AGAP9: variants seen among roughly 807,000 people sequenced by gnomAD.
AGAP9 encodes the protein arf-GAP with GTPase, ANK repeat and PH domain-containing protein 9.
A neutral mutation model predicts 55.6 loss-of-function variants in AGAP9; 23 were observed. The observed-to-expected ratio is 0.41, with a 90% CI of 0.30 to 0.59. The LOEUF (loss-of-function observed/expected upper bound fraction) is 0.59, where lower values mean the gene tolerates loss of function less well. AGAP9 is among the 20% of genes least tolerant of loss of function. The probability of loss-of-function intolerance (pLI) is 0.25; values close to 1 mark genes in which losing one functional copy is unlikely to be tolerated. For missense variants in AGAP9, 309 were observed against 808.1 expected (o/e 0.38, Z 7.49); for synonymous variants, 120 against 305.0 (o/e 0.39, Z 6.32).
chr10:47,503,776 A>G (rs1268236406), intron 7 of AGAP9, among the ~76,000 whole-genome samples: 3 of 101,966 alleles, frequency 2.9e-5, no homozygotes, highest in South Asian at 3.0e-4. Flanking sequence ...AAAAAAAAAG[A>G]AAAAAAAATT....
intron 4 of AGAP9, 83 bp from the exon 5 acceptor site, chr10:47,510,354 A>C (rs1388019528): frequency 5.6e-6 from 7 of 1,258,040 alleles, no homozygotes; most frequent in Non-Finnish European, 7.4e-6. Context: ...AAGCACTAAG[A>C]TATGTCTTAC....
rs1429403361 is a variant in AGAP9 at position 47,502,709 on chromosome 10, G to A, written c.1420C>T (p.Arg474Cys). 3.2e-5 allele frequency: 52 copies of A among 1,607,992 alleles called. No homozygotes were observed. Among genetic ancestry groups the A allele is most frequent in the East Asian group, 1.4e-4 (6 of 43,888 alleles). Residue 474 changes from arginine to cysteine, a missense_variant, in exon 8 of 8, where the codon CGT (arginine) becomes TGT (cysteine). Transcript: ENST00000452145. ...CAGTCCACACAGTGGGCGTTCCCAC[G>A]CATGTTTTGGATCGACTGCAGGGCC... ...AMALQSIQNM[R>C]GNAHCVDCET... is the part of the protein sequence containing the mutation.
chr10:47,506,755 T>C (rs1489354989), intron 6 of AGAP9, among the ~76,000 whole-genome samples: 3 of 145,190 alleles, frequency 2.1e-5, no homozygotes, highest in Non-Finnish European at 4.5e-5. Context: ...TTCTCCTGCC[T>C]CAGCCTCCAG....
At chr10:47,519,288 TG>T (rs1840774118) in intron 3 of AGAP9, among the ~76,000 whole-genome samples, 1 of 119,874 alleles carries the variant, frequency 8.3e-6, no homozygotes, top group Non-Finnish European at 1.7e-5. Flanking sequence ...GCTAACATGG[TG>T]AAACCCTGTC....
intron 4 of AGAP9, among the ~76,000 whole-genome samples, chr10:47,515,496 T>TAA (rs1293641433): frequency 8.5e-5 from 3 of 35,494 alleles, no homozygotes; most frequent in African/African-American, 2.3e-4. Flanking sequence ...GGGTAAAATG[T>TAA]AAAAAAAAAA....
Position 47,510,116 on chromosome 10 carries a change from C to A in AGAP9, c.497+55G>T, listed in dbSNP as rs1354051479. The A allele has an allele frequency of 2.2e-5, 28 of 1,251,824 alleles. 3 individuals carry two copies. The highest frequency in any genetic ancestry group is 2.5e-5 in the Non-Finnish European group (24 of 942,274). The allele number at this position is 1,251,824 out of a possible 1,614,324, so 77.5% of individuals were successfully genotyped here. A position where few individuals can be genotyped will look rare whatever the true frequency, so the allele number is the denominator to read the frequency against. The stretch of plus-strand genomic sequence containing the variant: ...ATTGCTGAAGAGGACAACCAAATGG[C>A]TGAAATAATTTCCGAATAAAGGAAT... On this transcript the variant is annotated intron_variant, in intron 5 of 7. Coordinates refer to ENST00000452145, the MANE Select transcript of AGAP9 (RefSeq NM_001190810.1).
chr10:47,503,227 T>C lies in AGAP9; in HGVS notation c.902A>G (p.Lys301Arg). 1 of 1,560,924 alleles carries C rather than the reference T, an allele frequency of 6.4e-7. No homozygotes were observed. The highest frequency in any genetic ancestry group is 8.7e-7 in the Non-Finnish European group (1 of 1,149,966). Residue 301 changes from lysine (K) to arginine (R), a missense_variant, in exon 8 of 8, where the codon AAA (lysine) becomes AGA (arginine). By Grantham distance (26) the Lys-to-Arg change is conservative. Coordinates refer to ENST00000452145, the MANE Select transcript of AGAP9 (RefSeq NM_001190810.1). ...GGAACACAGGGTGACGTATTTCTTT[T>C]TCCATGTCTTCAGCCATTTTCCACT... The part of the protein sequence containing the change: ...KRSGKWLKTW[K>R]KKYVTLCSNG...
At chr10:47,510,057 A>C in intron 5 of AGAP9, 114 bp downstream of exon 5, 1 of 1,495,982 alleles carries the variant, frequency 6.7e-7, no homozygotes, top group Non-Finnish European at 8.9e-7. Context: ...GAATCTGAAT[A>C]TCAATATATG....
At chr10:47,517,252 T>C (rs1382354904) in intron 4 of AGAP9, among the ~76,000 whole-genome samples, 1 of 113,340 alleles carries the variant, frequency 8.8e-6, no homozygotes, top group Non-Finnish European at 1.7e-5. Flanking sequence ...AAAAATAAGA[T>C]TAAATATTTA....
chr10:47,513,521 G>C (rs1186622193), intron 4 of AGAP9, among the ~76,000 whole-genome samples: 1 of 141,716 alleles, frequency 7.1e-6, no homozygotes, highest in African/African-American at 2.6e-5. Flanking sequence ...CTTCTTCACA[G>C]AACTAGAAAA....
intron 7 of AGAP9, among the ~76,000 whole-genome samples, chr10:47,503,811 G>A (rs1158088059): frequency 2.4e-5 from 3 of 127,232 alleles, no homozygotes; most frequent in Non-Finnish European, 4.8e-5. Flanking sequence ...GCACATGCCT[G>A]TAATTCCAGT....
In AGAP9 at chr10:47,502,791, C is replaced by T. The variant is rs1464859612; in HGVS notation, c.1338G>A (p.Leu446=). Residue 446 remains leucine, a synonymous_variant, in exon 8 of 8, where the codon CTG becomes CTA. Coordinates refer to ENST00000452145, the MANE Select transcript of AGAP9 (RefSeq NM_001190810.1). ...TGCTTTTACTGCTCTTGCATGACTG[C>T]AGGCTGGCCAGGATCTGGCTCTGGA... The part of the protein sequence containing the change: ...QAIQSQILAS[L]QSCKSSKSKS... 2.5e-6 allele frequency: 4 copies of T among 1,576,664 alleles called. No homozygotes were observed. The highest frequency in any genetic ancestry group is 3.5e-5 in the Admixed American group (2 of 57,722).
rs1229773186 is a variant in AGAP9, at chr10:47,502,975, G to A, written c.1154C>T (p.Thr385Ile). ...GGGGGGCGGGTTGAGCTTGGGGCTG[G>A]TGGTGCTGGAGATACCGGGGCTGAA... is the stretch of plus-strand genomic sequence containing the variant. The part of the protein sequence containing the change: ...ICFSPGISST[T>I]SPKLNPPPSP... The change falls in exon 8 of 8, where the codon ACC becomes ATC. Residue 385 changes from threonine (T) to isoleucine (I), a missense_variant. By Grantham distance (89) the Thr-to-Ile change is moderately conservative. Transcript: ENST00000452145. 1.9e-6 allele frequency: 3 copies of A among 1,564,048 alleles called. 1 individual carries two copies. Among genetic ancestry groups the A allele is most frequent in the Middle Eastern group, 1.8e-4 (1 of 5,578 alleles).
Position 47,503,260 on chromosome 10 carries a change from A to C in AGAP9, c.869T>G (p.Leu290Ter), listed in dbSNP as rs1588945769. 1 of 1,549,994 alleles carries C rather than the reference A, an allele frequency of 6.5e-7. No homozygotes were observed. The highest frequency in any genetic ancestry group is 1.1e-5 in the South Asian group (1 of 88,352). ...CTTCAGCCATTTTCCACTTCGCTTTAAGAGCATGCCCTGTTTAATGGGGAT... is the reference window on the plus strand; with the variant it reads ...CTTCAGCCATTTTCCACTTCGCTTTCAGAGCATGCCCTGTTTAATGGGGAT... ...RAIPIKQGML[L>*]KRSGKWLKTW... Residue 290 changes from leucine (L) to a stop codon, truncating the protein, a stop_gained, in exon 8 of 8, where the codon TTA becomes TGA. Transcript: ENST00000452145. LOFTEE classifies it high-confidence loss of function.
Position 47,507,603 on chromosome 10 carries a change from T to C in AGAP9, c.498-20A>G, listed in dbSNP as rs2132479069. The C allele has an allele frequency of 9.1e-6, 14 of 1,531,078 alleles. 4 individuals carry two copies. In the East Asian group the frequency reaches 3.8e-4, roughly 42 times the overall value. The allele number at this position is 1,531,078 out of a possible 1,614,324, so 94.8% of individuals were successfully genotyped here. ...GTCACACTGTGGAAGGAAAACAAAT[T>C]CATAACAATAGATGTTATCATTTGT... On this transcript the variant is annotated intron_variant, in intron 5 of 7. Transcript: ENST00000452145.
intron 6 of AGAP9, among the ~76,000 whole-genome samples, chr10:47,506,557 T>C (rs1424881060): frequency 7.0e-6 from 1 of 142,214 alleles, no homozygotes; most frequent in Non-Finnish European, 1.5e-5. Flanking sequence ...CTCAAACTCC[T>C]GACCTCAAGT....
At chr10:47,522,298 GTAAA>G (rs1424340452) in intron 2 of AGAP9, among the ~76,000 whole-genome samples, 2 of 145,914 alleles carry the variant, frequency 1.4e-5, no homozygotes, top group Non-Finnish European at 3.0e-5. Context: ...GAACAAGGAG[GTAAA>G]TAAAGTCTGT....
intron 2 of AGAP9, among the ~76,000 whole-genome samples, chr10:47,521,818 T>C: frequency 6.6e-6 from 1 of 151,196 alleles, no homozygotes; most frequent in Non-Finnish European, 1.5e-5. Flanking sequence ...TCTCGCTCTG[T>C]CACCCAGCCT....
chr10:47,515,738 G>A (rs1840704418), intron 4 of AGAP9, among the ~76,000 whole-genome samples: 1 of 140,546 alleles, frequency 7.1e-6, no homozygotes, highest in Admixed American at 7.2e-5. Flanking sequence ...TACTTTCCAG[G>A]CAGAAAATTG....
Sources: allele counts gnomAD v4.1 joint callset (sites outside exome capture counted in the v4.1 genomes callset), GRCh38; gene constraint gnomAD v4.1.1; transcripts MANE v1.5; gene names NCBI Gene and HGNC (gene_info 2026-07-23, HGNC 2026-07-21).